The following PCDHA4 variants were observed in gnomAD, a reference collection of about 807,000 sequenced individuals.
PCDHA4 encodes the protein protocadherin alpha-4.
PCDHA4 carries 49 observed loss-of-function variants against 61.4 expected under a neutral mutation model. The ratio of observed to expected loss-of-function variants is 0.80; its 90% CI spans 0.63 to 1.01. PCDHA4 has a LOEUF of 1.01. Among genes scored for constraint, PCDHA4 ranks in the 50% least tolerant of loss-of-function variants. PCDHA4 has a pLI of 0.00. For missense variants in PCDHA4, 1,254 were observed against 1,235.8 expected, an observed-to-expected ratio of 1.01 and a Z score of -0.22; for synonymous variants, 590 against 550.3, an observed-to-expected ratio of 1.07 and a Z score of -1.01.
chr5:140,828,497 G>T (rs1465778888), intron 1 of PCDHA4: 1 of 1,614,134 alleles, frequency 6.2e-7, no homozygotes, highest in African/African-American at 1.3e-5. Flanking sequence ...GTTCCCGGTA[G>T]AGGAACAAAG....
At chr5:140,822,387 A>C (rs1767293783) in intron 1 of PCDHA4, 2 of 1,614,150 alleles carry the variant, frequency 1.2e-6, no homozygotes, top group East Asian at 4.5e-5. Context: ...GAGAAGAAAC[A>C]CAAGAACACC....
At chr5:140,884,435 T>C (rs1554181555) in intron 1 of PCDHA4, 1 of 1,613,872 alleles carries the variant, frequency 6.2e-7, no homozygotes, top group East Asian at 2.2e-5. Flanking sequence ...TGCGCTGCGG[T>C]GCTCGGCACC....
chr5:140,864,821 G>A (rs575763318), intron 1 of PCDHA4: 20 of 152,124 alleles, frequency 1.3e-4, no homozygotes, highest in Middle Eastern at 3.4e-3. Flanking sequence ...CACTTATTTG[G>A]GCTTTAAGTA....
intron 1 of PCDHA4, chr5:140,835,465 A>G: frequency 6.2e-7 from 1 of 1,613,920 alleles, no homozygotes; most frequent in Non-Finnish European, 8.5e-7. Context: ...CCTATTCCAG[A>G]GGACGCCCAA....
chr5:140,926,780 G>A, intron 1 of PCDHA4: 2 of 1,397,714 alleles, frequency 1.4e-6, no homozygotes, highest in Non-Finnish European at 1.9e-6. Context: ...CAGCAGTGAC[G>A]GCCGGCAGGA....
chr5:140,825,742 G>A (rs1768696427), intron 1 of PCDHA4: 1 of 152,284 alleles, frequency 6.6e-6, no homozygotes, highest in Non-Finnish European at 1.5e-5. Context: ...TATTGATGAG[G>A]AGTAACTGTG....
intron 1 of PCDHA4, chr5:140,870,351 C>G (rs958022470): frequency 2.5e-6 from 4 of 1,614,202 alleles, no homozygotes; most frequent in Non-Finnish European, 3.4e-6. Context: ...ACCGCGAGAA[C>G]GTGTGGGCCT....
rs559957887 is a variant in PCDHA4, at chr5:140,808,728, G to T, written c.1541G>T (p.Ser514Ile). ...LSSYVSVHAE[S>I]GKVYALQPLD... The stretch of plus-strand genomic sequence containing the variant: ...AGCTACGTTTCGGTGCATGCGGAGA[G>T]CGGCAAGGTGTACGCGCTGCAGCCG... The change falls in exon 1 of 4, where the codon AGC becomes ATC. Residue 514 changes from serine (S) to isoleucine (I), a missense_variant. Physicochemically the swap from Ser to Ile is moderately radical, Grantham distance 142. Transcript: ENST00000530339. 1 of 1,612,192 alleles carries T rather than the reference G, an allele frequency of 6.2e-7. No homozygotes were observed. The highest frequency in any genetic ancestry group is 1.3e-5 in the African/African-American group (1 of 75,000).
At position 140,883,390 on chromosome 5, in the gene PCDHA4, G is replaced by A. The variant is rs373348994; in HGVS notation, c.2385+73818G>A. The A allele has an allele frequency of 2.5e-6, 4 of 1,614,050 alleles. No homozygotes were observed. The African/African-American group carries it at 5.3e-5, about 22-fold the overall frequency. ...GCGCCATTATTGCCCTAATCAGTGT[G>A]TCCGATCGTGACTCTGGCTCAAATG... is the stretch of plus-strand genomic sequence containing the variant. On this transcript the variant is annotated intron_variant, in intron 1 of 3. Coordinates refer to ENST00000530339, the MANE Select transcript of PCDHA4 (RefSeq NM_018907.4).
intron 1 of PCDHA4, chr5:140,883,434 T>G (rs2059607581): frequency 1.2e-6 from 2 of 1,614,038 alleles, no homozygotes; most frequent in Admixed American, 3.3e-5. Flanking sequence ...ACCTGCACCT[T>G]GACGCCGCAT....
At chr5:140,837,754 G>A (rs2150279444) in intron 1 of PCDHA4, among the ~76,000 whole-genome samples, 1 of 151,678 alleles carries the variant, frequency 6.6e-6, no homozygotes, top group Middle Eastern at 3.4e-3. Context: ...ATAGCCCACT[G>A]CAACCTGAAA....
chr5:140,815,640 G>GT (rs1765772207), intron 1 of PCDHA4: 1 of 151,888 alleles, frequency 6.6e-6, no homozygotes, highest in Non-Finnish European at 1.5e-5. Context: ...ATAGTATTCT[G>GT]TTTTTATCTA....
At chr5:140,992,925 C>G (rs548869982) in intron 3 of PCDHA4, among the ~76,000 whole-genome samples, 1 of 152,312 alleles carries the variant, frequency 6.6e-6, no homozygotes, top group South Asian at 2.1e-4. Flanking sequence ...TCCATACTTA[C>G]AGCAGCTCTG....
chr5:140,836,724 T>C (rs2150268487), intron 1 of PCDHA4: 3 of 1,611,936 alleles, frequency 1.9e-6, no homozygotes, highest in Admixed American at 3.3e-5. Context: ...TCAGGGTCCA[T>C]CCTCTACAGA....
At chr5:140,989,947 T>G (rs2097368215) in intron 3 of PCDHA4, among the ~76,000 whole-genome samples, 1 of 152,062 alleles carries the variant, frequency 6.6e-6, no homozygotes, top group Non-Finnish European at 1.5e-5. Context: ...CACGTTTTTC[T>G]CGGTGAGACC....
chr5:140,843,238 A>C (rs1778702476), intron 1 of PCDHA4: 1 of 1,595,718 alleles, frequency 6.3e-7, no homozygotes, highest in Admixed American at 1.7e-5. Context: ...TCCTGGACGA[A>C]GCGGACTCTC....
intron 1 of PCDHA4, chr5:140,857,669 G>T (rs926570494): frequency 5.0e-6 from 8 of 1,596,800 alleles, no homozygotes; most frequent in East Asian, 2.2e-5. Flanking sequence ...CGATGGGGGC[G>T]TGCCGCCTCT....
chr5:140,984,645 C>T (rs1354690786), intron 3 of PCDHA4, among the ~76,000 whole-genome samples: 1 of 152,164 alleles, frequency 6.6e-6, no homozygotes, highest in African/African-American at 2.4e-5. Flanking sequence ...TGCCTTCTCC[C>T]TGTCCTTCTG....
Position 140,829,281 on chromosome 5 carries a change from T to C in PCDHA4, c.2385+19709T>C, listed in dbSNP as rs2150165125. 4 of 1,614,256 alleles carry C rather than the reference T, an allele frequency of 2.5e-6. No individual in the cohort carries two copies. The South Asian group carries it at 4.4e-5, about 18-fold the overall frequency. ...CTGACGCCTCACGTCCCTTTCAAGCTGGTGTCCACCTTCAAGAATTACTAC... is the reference window on the plus strand; with the variant it reads ...CTGACGCCTCACGTCCCTTTCAAGCCGGTGTCCACCTTCAAGAATTACTAC... On this transcript the variant is annotated intron_variant, in intron 1 of 3. Coordinates refer to ENST00000530339, the MANE Select transcript of PCDHA4 (RefSeq NM_018907.4).
Sources: allele counts gnomAD v4.1 joint callset (sites outside exome capture counted in the v4.1 genomes callset), GRCh38; gene constraint gnomAD v4.1.1; transcripts MANE v1.5; gene names NCBI Gene and HGNC (gene_info 2026-07-23, HGNC 2026-07-21).